Variants in CIAO3 observed in about 807,000 individuals in gnomAD.
The protein encoded by CIAO3 is cytosolic iron-sulfur assembly component 3.
Under a neutral mutation model 51.5 loss-of-function variants are expected in CIAO3, and 45 were observed. The ratio of observed to expected loss-of-function variants is 0.87; its 90% CI spans 0.69 to 1.12. CIAO3 has a LOEUF of 1.12. CIAO3 is among the 50% of genes most tolerant of loss of function. The pLI is 0.00. For missense variants in CIAO3, 668 were observed against 632.5 expected, an observed-to-expected ratio of 1.06 and a Z score of -0.60; for synonymous variants, 314 against 269.3, an observed-to-expected ratio of 1.17 and a Z score of -1.63.
At position 737,649 on chromosome 16, in the gene CIAO3, G is replaced by A. The variant is rs1304714283; in HGVS notation, c.163-320C>T. The A allele has an allele frequency of 7.4e-7, 1 of 1,347,442 alleles. No homozygotes were observed. Among genetic ancestry groups the A allele is most frequent in the Non-Finnish European group, 9.7e-7 (1 of 1,027,506 alleles). The allele number at this position is 1,347,442 out of a possible 1,614,324, so 83.5% of individuals were successfully genotyped here. ...GGCCCTGGACGGGGTGCTGGCCCCGGTGCACACTCACAGGGCTGTAGGGCA... is the reference window on the plus strand; with the variant it reads ...GGCCCTGGACGGGGTGCTGGCCCCGATGCACACTCACAGGGCTGTAGGGCA... On this transcript the variant is annotated intron_variant, in intron 2 of 10. Coordinates refer to ENST00000251588, the MANE Select transcript of CIAO3 (RefSeq NM_022493.3). This position sits in a 1 kb window ranked among gnomAD's most constrained non-coding sequence, Gnocchi z 5.3.
In CIAO3 at chr16:730,898, C is replaced by T. The variant is rs763649188; in HGVS notation, c.1137G>A (p.Arg379=). The change falls in exon 10 of 11, where the codon AGG becomes AGA. Residue 379 remains arginine (R), a synonymous_variant. Transcript: ENST00000251588. ...GGTAGGGGCAGCGCCCTCGTTTGAGCCTCTGCACCAGGTTCTGGATGTTGC... is the reference window on the plus strand; with the variant it reads ...GGTAGGGGCAGCGCCCTCGTTTGAGTCTCTGCACCAGGTTCTGGATGTTGC... ...GFRNIQNLVQ[R]LKRGRCPYHY... The T allele has an allele frequency of 6.8e-6, 11 of 1,612,928 alleles. No homozygotes were observed. The South Asian group carries it at 1.2e-4, about 18-fold the overall frequency.
rs1596672758 is a variant in CIAO3, at chr16:734,718, A to C, written c.574+19T>G. On this transcript the variant is annotated intron_variant, in intron 5 of 10. Coordinates refer to ENST00000251588, the MANE Select transcript of CIAO3 (RefSeq NM_022493.3). ...TGCACTTGAACTTGACTCTCCCACCACCCGCACCATGAGCACACCTGGGCA... is the reference window on the plus strand; with the variant it reads ...TGCACTTGAACTTGACTCTCCCACCCCCCGCACCATGAGCACACCTGGGCA... 1 of 1,612,184 alleles carries C rather than the reference A, an allele frequency of 6.2e-7. No homozygotes were observed. The highest frequency in any genetic ancestry group is 8.5e-7 in the Non-Finnish European group (1 of 1,179,680).
Position 730,230 on chromosome 16 carries a change from G to A in CIAO3, c.*187C>T. 1.6e-6 allele frequency: 1 copy of A among 628,588 alleles called. No homozygotes were observed. The highest frequency in any genetic ancestry group is 2.8e-6 in the Non-Finnish European group (1 of 361,898). 38.9% of individuals were successfully genotyped at this position (628,588 alleles called of 1,614,324 possible). A position where few individuals can be genotyped will look rare whatever the true frequency, so the allele number is the denominator to read the frequency against. On this transcript the variant is annotated 3_prime_UTR_variant, in exon 11 of 11. Coordinates refer to ENST00000251588, the MANE Select transcript of CIAO3 (RefSeq NM_022493.3). ...CACCCCACCTGGGCAGAGCCAGTGG[G>A]AACCCAGAGGCACCCAACTGGAGGT...
chr16:733,950 G>A (rs2041311627), intron 6 of CIAO3: 16 of 455,436 alleles, frequency 3.5e-5, no homozygotes, highest in South Asian at 3.4e-4. Flanking sequence ...GGTGGCCGGA[G>A]GGGTGGGCTC....
At chr16:740,539 C>T (rs1451648232) in intron 1 of CIAO3, 2 of 320,340 alleles carry the variant, frequency 6.2e-6, no homozygotes, top group Non-Finnish European at 5.9e-6. Flanking sequence ...GCCCGGGCCC[C>T]GCCGCCCTCC....
rs1369768443 is a variant in CIAO3, at chr16:740,911, C to T, written c.66+9G>A. On this transcript the variant is annotated intron_variant, in intron 1 of 10. Transcript: ENST00000251588. ...GCAGCCTCGACCCCGCCCGCCCAGG[C>T]CGGCCCACCTGAGACGGCCCGATGA... 2.0e-6 allele frequency: 3 copies of T among 1,529,140 alleles called. No homozygotes were observed. Among genetic ancestry groups the T allele is most frequent in the Non-Finnish European group, 1.8e-6 (2 of 1,142,766 alleles). The allele number at this position is 1,529,140 out of a possible 1,614,324, so 94.7% of individuals were successfully genotyped here. A position where few individuals can be genotyped will look rare whatever the true frequency, so the allele number is the denominator to read the frequency against.
Position 729,898 on chromosome 16 carries a change from T to A in CIAO3, c.*519A>T. ...GCCCCGGACCACAGCCTCGTAACGG[T>A]AACCCCTGCTTTCCAGGGGCCTGGC... On this transcript the variant is annotated 3_prime_UTR_variant, in exon 11 of 11. Coordinates refer to ENST00000251588, the MANE Select transcript of CIAO3 (RefSeq NM_022493.3). 1 of 375,624 alleles carries A rather than the reference T, an allele frequency of 2.7e-6. No homozygotes were observed. 23.3% of individuals were successfully genotyped at this position (375,624 alleles called of 1,614,324 possible).
chr16:736,321 A>C lies in CIAO3; in HGVS notation c.384T>G (p.Phe128Leu), dbSNP rs139219365. The C allele has an allele frequency of 1.2e-4, 191 of 1,613,098 alleles. No individual in the cohort carries two copies. In the African/African-American group the frequency reaches 2.4e-3, roughly 20 times the overall value. The change falls in exon 4 of 11, where the codon TTT (phenylalanine) becomes TTG (leucine). Residue 128 changes from phenylalanine to leucine, a missense_variant. Physicochemically the swap from Phe to Leu is conservative, Grantham distance 22. Transcript: ENST00000251588. ...PQSRASLAAR[F>L]QLNPTDTARK... ...TGGCAGTATCTGTAGGATTCAGCTGAAACCGTGCAGCCAGCGATGCTCTAG... is the reference window on the plus strand; with the variant it reads ...TGGCAGTATCTGTAGGATTCAGCTGCAACCGTGCAGCCAGCGATGCTCTAG...
intron 1 of CIAO3, 186 bp from the exon 2 acceptor site, chr16:739,924 C>T: frequency 7.4e-7 from 1 of 1,346,978 alleles, no homozygotes; most frequent in Non-Finnish European, 1.0e-6. Flanking sequence ...GGATCGGGTT[C>T]CCAACATCCT....
chr16:730,874 G>A lies in CIAO3; in HGVS notation c.1161C>T (p.Tyr387=). 5.0e-6 allele frequency: 8 copies of A among 1,612,860 alleles called. No individual in the cohort carries two copies. The highest frequency in any genetic ancestry group is 6.8e-6 in the Non-Finnish European group (8 of 1,179,988). ...GGCAGGCCATGACCTCCACGTAGTG[G>A]TAGGGGCAGCGCCCTCGTTTGAGCC... ...VQRLKRGRCP[Y]HYVEVMACPS... is the part of the protein sequence containing the mutation. The change falls in exon 10 of 11, where the codon TAC becomes TAT. Residue 387 remains tyrosine, a synonymous_variant. Transcript: ENST00000251588.
In CIAO3 at chr16:737,824, G is replaced by A. The variant is rs1014091378; in HGVS notation, c.163-495C>T. On this transcript the variant is annotated intron_variant, in intron 2 of 10. Transcript: ENST00000251588. The surrounding 1 kb of genome is among the most constrained non-coding windows in gnomAD (Gnocchi z 5.3). ...CGGGGCAGAAACAACCGTCAGACTC[G>A]CCAAACAGATGCAGGAACAAGGTGT... The A allele has an allele frequency of 2.2e-5, 26 of 1,190,604 alleles. No homozygotes were observed. Among genetic ancestry groups the A allele is most frequent in the South Asian group, 6.1e-5 (4 of 65,336 alleles). The allele number at this position is 1,190,604 out of a possible 1,614,324, so 73.8% of individuals were successfully genotyped here.
At chr16:739,379 G>A (rs2151604717) in intron 2 of CIAO3, 2 of 534,412 alleles carry the variant, frequency 3.7e-6, no homozygotes, top group Non-Finnish European at 6.8e-6. Flanking sequence ...AGGGGGAACA[G>A]GCAGACGCAG....
At chr16:734,932 C>T (rs897699777) in intron 4 of CIAO3, 61 bp from the exon 5 acceptor site, 26 of 1,480,614 alleles carry the variant, frequency 1.8e-5, no homozygotes, top group Admixed American at 4.9e-5. Context: ...GAGCACACGC[C>T]GGCGTGTGGA....
At position 731,556 on chromosome 16, in the gene CIAO3, C is replaced by A. The variant is rs1330122290; in HGVS notation, c.1034+9G>T. The A allele has an allele frequency of 6.4e-7, 1 of 1,559,370 alleles. No individual in the cohort carries two copies. On this transcript the variant is annotated intron_variant, in intron 9 of 10. Coordinates refer to ENST00000251588, the MANE Select transcript of CIAO3 (RefSeq NM_022493.3). ...CGCTCTGCCCAGAGATCTGGCCCAT[C>A]CCACTGACCTCAGGGGTTTGTAGGT...
At chr16:732,198 G>A (rs1431521376) in intron 8 of CIAO3, 103 bp downstream of exon 8, 13 of 1,264,646 alleles carry the variant, frequency 1.0e-5, no homozygotes, top group East Asian at 2.4e-5. Context: ...TTCTGTGGAC[G>A]CCAAGATGGG....
chr16:735,625 G>C (rs1279816226), intron 4 of CIAO3: 1 of 152,314 alleles, frequency 6.6e-6, no homozygotes, highest in Admixed American at 6.5e-5. Flanking sequence ...GGCTCCCAGT[G>C]CCAGAGCACT....
chr16:730,705 C>T (rs1046230004), intron 10 of CIAO3, 50 bp from the exon 11 acceptor site: 6 of 1,589,810 alleles, frequency 3.8e-6, no homozygotes, highest in Non-Finnish European at 5.1e-6. Context: ...CCCAGCCAAG[C>T]TTCCTGACCA....
intron 3 of CIAO3, chr16:736,902 G>A (rs2041344703): frequency 2.3e-6 from 1 of 435,198 alleles, no homozygotes; most frequent in African/African-American, 2.0e-5. Context: ...GACCTCAGGT[G>A]ATCCACCCGG....
At chr16:733,149 G>A in intron 7 of CIAO3, 149 bp downstream of exon 7, 1 of 1,029,284 alleles carries the variant, frequency 9.7e-7, no homozygotes. Flanking sequence ...GCTCCAAGGG[G>A]AGAGACGAAG....
Sources: gnomAD v4.1 joint callset for allele counts on GRCh38, gnomAD v4.1.1 for gene constraint, Gnocchi (gnomAD v3.1) non-coding constraint, MANE v1.5 for transcripts, NCBI Gene and HGNC (gene_info 2026-07-23, HGNC 2026-07-21) for gene names.